SWAP70: variants seen among roughly 807,000 people sequenced by gnomAD.
The protein encoded by SWAP70 is switching B cell complex subunit SWAP70.
Under a neutral mutation model 80.2 loss-of-function variants are expected in SWAP70, and 34 were observed. The ratio of observed to expected loss-of-function variants is 0.42; its 90% CI spans 0.32 to 0.56. SWAP70 has a LOEUF of 0.56. Ranked by LOEUF, SWAP70 falls within the 20% of genes least tolerant of loss-of-function variation. SWAP70 has a pLI of 0.09. For synonymous variants in SWAP70, 239 were observed against 238.5 expected, an observed-to-expected ratio of 1.00 and a Z score of -0.02; for missense variants, 578 against 690.7, an observed-to-expected ratio of 0.84 and a Z score of 1.83.
chr11:9,704,286 G>C (rs566698009), intron 2 of SWAP70, among the ~76,000 whole-genome samples: 9 of 151,964 alleles, frequency 5.9e-5, no homozygotes, highest in Non-Finnish European at 1.2e-4. Context: ...CAATGCTTTG[G>C]AGTTGCTACC....
rs147016567 is a variant in SWAP70 at position 9,745,136 on chromosome 11, T to C, written c.1356-2722T>C. Among the ~76,000 whole-genome samples the C allele has an allele frequency of 3.5e-3, 532 of 152,324 alleles. 3 individuals are homozygous for C. Among genetic ancestry groups the C allele is most frequent in the South Asian group, 4.8e-3 (23 of 4,824 alleles). ...ACAGTCCCTCTTACATTTGATATAA[T>C]ACTTTTCATATATTTGAAGGTTAGA... On this transcript the variant is annotated intron_variant, in intron 9 of 11. Transcript: ENST00000318950.
chr11:9,738,688 CAAAAA>C (rs10533145), intron 8 of SWAP70, among the ~76,000 whole-genome samples: 3 of 98,504 alleles, frequency 3.0e-5, no homozygotes, highest in Admixed American at 1.1e-4. Context: ...GCAATATCTA[CAAAAA>C]AAAAAAAAAA....
chr11:9,737,162 C>A (rs1851373630), intron 7 of SWAP70, among the ~76,000 whole-genome samples: 1 of 152,256 alleles, frequency 6.6e-6, no homozygotes, highest in South Asian at 2.1e-4. Flanking sequence ...GTTTCTGCAA[C>A]ATGCAGCTGG....
Position 9,750,118 on chromosome 11 carries a change from A to C in SWAP70, c.*148A>C, listed in dbSNP as rs894638561. On this transcript the variant is annotated 3_prime_UTR_variant, in exon 12 of 12. Coordinates refer to ENST00000318950, the MANE Select transcript of SWAP70 (RefSeq NM_015055.4). The stretch of plus-strand genomic sequence containing the variant: ...TTTGGGAGGCCGAGGCGGGTGGATC[A>C]CCTGAGGTCAGGAGTTCAAGAGCAG... 1.0e-5 allele frequency: 5 copies of C among 479,110 alleles called. No homozygotes were observed. The highest frequency in any genetic ancestry group is 3.9e-5 in the African/African-American group (2 of 50,922). The allele number at this position is 479,110 out of a possible 1,614,324, so 29.7% of individuals were successfully genotyped here. A position where few individuals can be genotyped will look rare whatever the true frequency, so the allele number is the denominator to read the frequency against.
intron 7 of SWAP70, 49 bp from the exon 8 acceptor site, chr11:9,738,164 C>A: frequency 7.3e-7 from 1 of 1,368,320 alleles, no homozygotes; most frequent in Middle Eastern, 1.8e-4. Context: ...CTTTAATGTA[C>A]TTCTACTCTA....
At chr11:9,705,269 A>C (rs61878110) in intron 2 of SWAP70, among the ~76,000 whole-genome samples, 20,672 of 104,592 alleles carry the variant, frequency 0.2, 2,992 homozygotes, top group Non-Finnish European at 0.26. Flanking sequence ...CACTGGTGAT[A>C]TGTATACACT....
At chr11:9,712,302 A>C (rs1015571757) in intron 2 of SWAP70, among the ~76,000 whole-genome samples, 1 of 152,222 alleles carries the variant, frequency 6.6e-6, no homozygotes, top group Admixed American at 6.5e-5. Flanking sequence ...AATTCTATTG[A>C]ATTATACACT....
chr11:9,721,996 A>G (rs1219724028), intron 3 of SWAP70, among the ~76,000 whole-genome samples: 1 of 152,230 alleles, frequency 6.6e-6, no homozygotes, highest in African/African-American at 2.4e-5. Flanking sequence ...ATCTTCGTGC[A>G]GTAGAAATAA....
chr11:9,667,062 A>G (rs1850316031), intron 1 of SWAP70, among the ~76,000 whole-genome samples: 2 of 152,102 alleles, frequency 1.3e-5, no homozygotes, highest in South Asian at 4.1e-4. Flanking sequence ...ACGGGGTTTC[A>G]TTGTATTGCC....
At chr11:9,695,871 T>C (rs183038602) in intron 2 of SWAP70, among the ~76,000 whole-genome samples, 16 of 152,182 alleles carry the variant, frequency 1.1e-4, no homozygotes, top group African/African-American at 3.4e-4. Flanking sequence ...CTCAGCTCAC[T>C]GTAGCCTCTG....
chr11:9,694,310 G>T, intron 2 of SWAP70, 24 bp downstream of exon 2: 1 of 1,583,270 alleles, frequency 6.3e-7, no homozygotes, highest in Non-Finnish European at 8.6e-7. Context: ...CTTTTTTTGG[G>T]TGTAGCATTG....
At chr11:9,695,977 G>A (rs1850752478) in intron 2 of SWAP70, among the ~76,000 whole-genome samples, 1 of 151,936 alleles carries the variant, frequency 6.6e-6, no homozygotes, top group Non-Finnish European at 1.5e-5. Flanking sequence ...GTATTTTTTT[G>A]TAGAGACGGG....
intron 6 of SWAP70, 53 bp downstream of exon 6, chr11:9,729,504 C>CTTT: frequency 2.4e-6 from 3 of 1,245,818 alleles, no homozygotes; most frequent in East Asian, 2.6e-5. Context: ...CTCTGACTTT[C>CTTT]TTTTTTTTTT....
At chr11:9,702,647 C>CT (rs1850847961) in intron 2 of SWAP70, among the ~76,000 whole-genome samples, 1 of 152,030 alleles carries the variant, frequency 6.6e-6, no homozygotes, top group African/African-American at 2.4e-5. Flanking sequence ...TCTTGAACTC[C>CT]TGAGCTCAAG....
At chr11:9,698,099 TG>T (rs1211074752) in intron 2 of SWAP70, among the ~76,000 whole-genome samples, 2,518 of 116,314 alleles carry the variant, frequency 0.022, 258 homozygotes, top group East Asian at 0.093. Context: ...ACATGTTTTT[TG>T]TTTTTTTTTT....
chr11:9,686,566 C>T (rs1358458092), intron 1 of SWAP70, among the ~76,000 whole-genome samples: 2 of 151,876 alleles, frequency 1.3e-5, no homozygotes, highest in Non-Finnish European at 2.9e-5. Context: ...CCAGGCTGGT[C>T]TTGAACTCCT....
chr11:9,719,167 G>C (rs1247672050), intron 3 of SWAP70, among the ~76,000 whole-genome samples: 1 of 150,944 alleles, frequency 6.6e-6, no homozygotes, highest in Non-Finnish European at 1.5e-5. Context: ...AACTTTGGGA[G>C]GCTGAGGCAG....
At chr11:9,720,336 C>A in intron 3 of SWAP70, 7 of 985,400 alleles carry the variant, frequency 7.1e-6, no homozygotes, top group Non-Finnish European at 8.4e-6. Context: ...GGGAGGGCAC[C>A]TTCAGAAAGG....
rs959445725 is a variant in SWAP70, at chr11:9,738,260, C to T, written c.1128C>T (p.Arg376=). ...GTGCAGCAGAAGAGGAAAAGAAACG[C>T]CTTCAGACTCAAGTGGAACTTCAGG... ...ASRAAEEEKK[R]LQTQVELQAR... is the part of the protein sequence containing the mutation. The change falls in exon 8 of 12, where the codon CGC becomes CGT. Residue 376 remains arginine (R), a synonymous_variant. Coordinates refer to ENST00000318950, the MANE Select transcript of SWAP70 (RefSeq NM_015055.4). 5.0e-6 allele frequency: 8 copies of T among 1,611,354 alleles called. No individual in the cohort carries two copies. Among genetic ancestry groups the T allele is most frequent in the Non-Finnish European group, 1.7e-6 (2 of 1,178,794 alleles).
Sources: gnomAD v4.1 joint callset for allele counts (sites outside exome capture counted in the v4.1 genomes callset) on GRCh38, gnomAD v4.1.1 for gene constraint, MANE v1.5 for transcripts, NCBI Gene and HGNC (gene_info 2026-07-23, HGNC 2026-07-21) for gene names.